LRMDA: variants seen among roughly 807,000 people sequenced by gnomAD.
LRMDA encodes leucine-rich melanocyte differentiation-associated protein.
In LRMDA, 18 loss-of-function variants were observed where a neutral mutation model predicts 29.8. The ratio of observed to expected loss-of-function variants is 0.60; its 90% CI spans 0.42 to 0.90. The LOEUF (loss-of-function observed/expected upper bound fraction) is 0.90, where lower values mean the gene tolerates loss of function less well. LRMDA is among the 40% of genes least tolerant of loss of function. The pLI is 0.00. For missense variants in LRMDA, 273 were observed against 273.9 expected, an observed-to-expected ratio of 1.00 and a Z score of 0.02; for synonymous variants, 125 against 109.4, an observed-to-expected ratio of 1.14 and a Z score of -0.89.
rs182332046 is a variant in LRMDA at position 76,057,959 on chromosome 10, C to G, written c.399-707C>G. On this transcript the variant is annotated intron_variant, in intron 4 of 6. Transcript: ENST00000611255. ...ACCTATTTGAGGACAGTTAATTACACTAGCAGCCATTGGCTTATTTCTGGA... is the reference window on the plus strand; with the variant it reads ...ACCTATTTGAGGACAGTTAATTACAGTAGCAGCCATTGGCTTATTTCTGGA... Among the ~76,000 whole-genome samples, 370 of 152,350 alleles carry G rather than the reference C, an allele frequency of 2.4e-3. 2 individuals are homozygous for G. The highest frequency in any genetic ancestry group is 7.4e-3 in the African/African-American group (309 of 41,578).
intron 6 of LRMDA, among the ~76,000 whole-genome samples, chr10:76,464,374 C>T (rs944218260): frequency 2.6e-5 from 4 of 151,982 alleles, no homozygotes; most frequent in African/African-American, 7.2e-5. Context: ...GGACGAGTGG[C>T]GAGAGACTAG....
At chr10:75,858,843 C>T (rs1844871114) in intron 2 of LRMDA, among the ~76,000 whole-genome samples, 1 of 152,238 alleles carries the variant, frequency 6.6e-6, no homozygotes, top group Admixed American at 6.5e-5. Context: ...TCCTCTACCC[C>T]TAATCTCTTC....
chr10:76,366,976 T>G (rs2132452915), intron 6 of LRMDA, among the ~76,000 whole-genome samples: 1 of 152,336 alleles, frequency 6.6e-6, no homozygotes, highest in African/African-American at 2.4e-5. Context: ...ATGCTGGGTT[T>G]TGTTGAGTGC....
intron 5 of LRMDA, among the ~76,000 whole-genome samples, chr10:76,188,542 A>G (rs1314068434): frequency 6.6e-6 from 1 of 152,160 alleles, no homozygotes; most frequent in Admixed American, 6.5e-5. Context: ...GGGCCTTTGT[A>G]TCCCAGATGG....
intron 2 of LRMDA, among the ~76,000 whole-genome samples, chr10:75,709,979 T>C (rs1271301267): frequency 6.6e-6 from 1 of 152,294 alleles, no homozygotes; most frequent in African/African-American, 2.4e-5. Context: ...AGTTAATTAA[T>C]ATGAGAAATT....
chr10:75,751,744 C>T, intron 2 of LRMDA, among the ~76,000 whole-genome samples: 1 of 151,920 alleles, frequency 6.6e-6, no homozygotes, highest in Admixed American at 6.5e-5. Flanking sequence ...CCCTTTCAGA[C>T]CCATCAACAT....
intron 6 of LRMDA, among the ~76,000 whole-genome samples, chr10:76,424,674 G>A (rs1334219269): frequency 1.3e-5 from 2 of 152,168 alleles, no homozygotes; most frequent in African/African-American, 2.4e-5. Context: ...CTTCAAAGTG[G>A]GTGATATCAT....
At chr10:75,486,135 T>A (rs1280599243) in intron 2 of LRMDA, among the ~76,000 whole-genome samples, 1 of 152,228 alleles carries the variant, frequency 6.6e-6, no homozygotes, top group East Asian at 1.9e-4. Flanking sequence ...TCTCTTTGCA[T>A]AAAAGTTGTT....
rs1843585125 is a variant in LRMDA, at chr10:76,558,440, C to T, written c.*1152C>T. ...TGGCTGTGCACTAGCACTAATGTCA[C>T]AAGGAACATAAGTGTGATCATTGCT... is the stretch of plus-strand genomic sequence containing the variant. On this transcript the variant is annotated 3_prime_UTR_variant, in exon 7 of 7. Transcript: ENST00000611255. 1 of 152,198 alleles carries T rather than the reference C, an allele frequency of 6.6e-6. No individual in the cohort carries two copies. Among genetic ancestry groups the T allele is most frequent in the African/African-American group, 2.4e-5 (1 of 41,438 alleles). The allele number at this position is 152,198 out of a possible 1,614,324, so 9.4% of individuals were successfully genotyped here. A position where few individuals can be genotyped will look rare whatever the true frequency, so the allele number is the denominator to read the frequency against.
intron 5 of LRMDA, among the ~76,000 whole-genome samples, chr10:76,109,476 TC>T (rs1849540744): frequency 6.6e-6 from 1 of 152,208 alleles, no homozygotes; most frequent in Admixed American, 6.5e-5. Flanking sequence ...TCTTGCATAG[TC>T]AGTGCTCCCT....
At chr10:75,579,128 C>T (rs577543260) in intron 2 of LRMDA, among the ~76,000 whole-genome samples, 3 of 152,192 alleles carry the variant, frequency 2.0e-5, no homozygotes, top group African/African-American at 7.2e-5. Flanking sequence ...TCAATGAATC[C>T]AGGAGCTGGT....
At chr10:76,506,710 A>C (rs534681500) in intron 6 of LRMDA, among the ~76,000 whole-genome samples, 6 of 151,820 alleles carry the variant, frequency 4.0e-5, no homozygotes, top group Admixed American at 2.6e-4. Context: ...CCACATATGA[A>C]TTATAACATA....
In LRMDA at chr10:75,512,275, G is replaced by A. The variant is rs562204281; in HGVS notation, c.131+73781G>A. Among the ~76,000 whole-genome samples, 144 of 152,244 alleles carry A rather than the reference G, an allele frequency of 9.5e-4. 2 individuals carry two copies. The highest frequency in any genetic ancestry group is 6.8e-3 in the Middle Eastern group (2 of 294). ...CCTCCTGGTAGGTGGGATGGAAAGT[G>A]TAGGTGCTGGTGATCAGAACTGGGA... On this transcript the variant is annotated intron_variant, in intron 2 of 6. Coordinates refer to ENST00000611255, the MANE Select transcript of LRMDA (RefSeq NM_001305581.2).
chr10:75,851,362 A>G (rs1307236864), intron 2 of LRMDA, among the ~76,000 whole-genome samples: 2 of 152,142 alleles, frequency 1.3e-5, no homozygotes, highest in Admixed American at 6.5e-5. Context: ...ATGTTTTTCT[A>G]TTCTTATCCT....
intron 6 of LRMDA, among the ~76,000 whole-genome samples, chr10:76,396,836 G>A (rs1841790209): frequency 1.3e-5 from 2 of 152,136 alleles, no homozygotes; most frequent in Admixed American, 1.3e-4. Context: ...ATATTTTCAA[G>A]TTTTATTGAA....
chr10:76,217,376 G>A (rs546430025), intron 5 of LRMDA, among the ~76,000 whole-genome samples: 23 of 152,172 alleles, frequency 1.5e-4, no homozygotes, highest in Admixed American at 1.0e-3. Flanking sequence ...CTCTAGGAGC[G>A]ACCTCCTGAT....
chr10:75,769,751 C>T (rs921585566), intron 2 of LRMDA, among the ~76,000 whole-genome samples: 1 of 152,216 alleles, frequency 6.6e-6, no homozygotes, highest in Admixed American at 6.5e-5. Flanking sequence ...ATGGCATCCT[C>T]ATTCCTGTTC....
intron 5 of LRMDA, among the ~76,000 whole-genome samples, chr10:76,315,670 T>G (rs1406579742): frequency 1.3e-5 from 2 of 152,058 alleles, no homozygotes; most frequent in Non-Finnish European, 2.9e-5. Flanking sequence ...CCCCTCAACG[T>G]GAACAGCCTG....
chr10:75,879,771 C>A (rs1845263844), intron 2 of LRMDA, among the ~76,000 whole-genome samples: 1 of 152,056 alleles, frequency 6.6e-6, no homozygotes, highest in African/African-American at 2.4e-5. Context: ...TCTGAATGTA[C>A]CTTTCTGTAT....
Sources: allele counts gnomAD v4.1 joint callset (sites outside exome capture counted in the v4.1 genomes callset), GRCh38; gene constraint gnomAD v4.1.1; transcripts MANE v1.5; gene names NCBI Gene and HGNC (gene_info 2026-07-23, HGNC 2026-07-21).